Variants in KAT6A observed in about 807,000 individuals in gnomAD.
KAT6A encodes histone acetyltransferase KAT6A.
In KAT6A, 9 loss-of-function variants were observed where a neutral mutation model predicts 198.4. The ratio of observed to expected loss-of-function variants is 0.05; its 90% CI spans 0.03 to 0.08. The LOEUF (loss-of-function observed/expected upper bound fraction) is 0.08, where lower values mean the gene tolerates loss of function less well. Among genes scored for constraint, KAT6A ranks in the 10% least tolerant of loss-of-function variants. The probability of loss-of-function intolerance (pLI) is 1.00; values close to 1 mark genes in which losing one functional copy is unlikely to be tolerated. For missense variants in KAT6A, 2,077 were observed against 2,509.9 expected, an observed-to-expected ratio of 0.83 and a Z score of 3.69; for synonymous variants, 890 against 883.0, an observed-to-expected ratio of 1.01 and a Z score of -0.14.
chr8:42,016,966 T>C (rs1826302283), intron 2 of KAT6A, among the ~76,000 whole-genome samples: 1 of 152,164 alleles, frequency 6.6e-6, no homozygotes, highest in African/African-American at 2.4e-5. Flanking sequence ...ATCTCTTCAA[T>C]AGTTTAAGCC....
intron 8 of KAT6A, among the ~76,000 whole-genome samples, chr8:41,970,939 G>A (rs1322587415): frequency 6.6e-6 from 1 of 152,082 alleles, no homozygotes; most frequent in Non-Finnish European, 1.5e-5. Context: ...GGATGAAGCT[G>A]GAAATCATCA....
chr8:41,968,572 C>T (rs951367198), intron 8 of KAT6A, among the ~76,000 whole-genome samples: 1 of 152,284 alleles, frequency 6.6e-6, no homozygotes, highest in South Asian at 2.1e-4. Context: ...TGTGGCGATT[C>T]CTCAGGGATC....
chr8:42,020,053 C>G (rs905640048), intron 2 of KAT6A, among the ~76,000 whole-genome samples: 2 of 152,084 alleles, frequency 1.3e-5, no homozygotes, highest in African/African-American at 4.8e-5. Context: ...AATGTAATTA[C>G]CTTCTTTTTT....
chr8:41,934,348 T>C lies in KAT6A; in HGVS notation c.3872A>G (p.Gln1291Arg), dbSNP rs1263718696. ...EEQRQSEEEQ[Q>R]ELEEPEPEEE... ...CTCTGGCTCTGGCTCCTCTAATTCC[T>C]GCTGCTCCTCCTCTGACTGCCTCTG... The change falls in exon 17 of 17, where the codon CAG (glutamine) becomes CGG (arginine). Residue 1291 changes from glutamine to arginine, a missense_variant. By Grantham distance (43) the Gln-to-Arg change is conservative. Transcript: ENST00000265713. 2 of 1,613,926 alleles carry C rather than the reference T, an allele frequency of 1.2e-6. No homozygotes were observed. The highest frequency in any genetic ancestry group is 1.3e-5 in the African/African-American group (1 of 74,888).
chr8:41,968,522 T>G (rs1017398673), intron 8 of KAT6A, among the ~76,000 whole-genome samples: 1 of 152,190 alleles, frequency 6.6e-6, no homozygotes, highest in Admixed American at 6.5e-5. Flanking sequence ...TTTACACTGT[T>G]GGTGGGACTG....
intron 5 of KAT6A, 102 bp from the exon 6 acceptor site, chr8:41,978,879 A>G: frequency 7.4e-6 from 8 of 1,078,962 alleles, no homozygotes; most frequent in Non-Finnish European, 1.1e-5. Context: ...CAGGTAAAAG[A>G]CTGTCATTAG....
At chr8:41,989,971 T>C (rs1824846372) in intron 2 of KAT6A, among the ~76,000 whole-genome samples, 1 of 151,696 alleles carries the variant, frequency 6.6e-6, no homozygotes, top group African/African-American at 2.4e-5. Context: ...GACTACCACA[T>C]CCTTTCCTCA....
chr8:41,960,148 T>G (rs1587744543), intron 8 of KAT6A, among the ~76,000 whole-genome samples: 1 of 132,474 alleles, frequency 7.5e-6, no homozygotes. Context: ...GGGGTGGGGG[T>G]AGGGGTGGGG....
intron 2 of KAT6A, among the ~76,000 whole-genome samples, chr8:42,047,391 T>A (rs1231091115): frequency 2.0e-5 from 3 of 152,184 alleles, no homozygotes; most frequent in Non-Finnish European, 1.5e-5. Flanking sequence ...CATCTGGGCA[T>A]CAAAACTCCC....
In KAT6A at chr8:41,930,893, G is replaced by A. The variant is rs1821509763; in HGVS notation, c.*1312C>T. On this transcript the variant is annotated 3_prime_UTR_variant, in exon 17 of 17. Transcript: ENST00000265713. ...GATCTGCCCTACTGTGCTGGTGGTC[G>A]GTCTGTCCCTCTTCTCATTAGCCAC... 3 of 214,828 alleles carry A rather than the reference G, an allele frequency of 1.4e-5. No individual in the cohort carries two copies. Among genetic ancestry groups the A allele is most frequent in the Non-Finnish European group, 2.8e-5 (3 of 106,430 alleles). 13.3% of individuals were successfully genotyped at this position (214,828 alleles called of 1,614,324 possible).
Position 41,929,757 on chromosome 8 carries a change from T to TA in KAT6A, c.*2447dup, listed in dbSNP as rs1266649819. ...TGGCTTCCTTTGTACATGCGGCTTT[T>TA]AGAGGCATCTGGAGCTCTATTCACA... is the stretch of plus-strand genomic sequence containing the variant. On this transcript the variant is annotated 3_prime_UTR_variant, in exon 17 of 17. Coordinates refer to ENST00000265713, the MANE Select transcript of KAT6A (RefSeq NM_006766.5). The TA allele has an allele frequency of 1.0e-5, 2 of 192,828 alleles. No homozygotes were observed. The highest frequency in any genetic ancestry group is 4.6e-5 in the African/African-American group (2 of 43,072). The allele number at this position is 192,828 out of a possible 1,614,324, so 11.9% of individuals were successfully genotyped here.
At chr8:41,995,794 G>A (rs1416153339) in intron 2 of KAT6A, among the ~76,000 whole-genome samples, 4 of 150,478 alleles carry the variant, frequency 2.7e-5, no homozygotes, top group Middle Eastern at 3.5e-3. Flanking sequence ...TCTTGCCTCA[G>A]CCTCTCGAGT....
chr8:41,999,304 T>C (rs1430953236), intron 2 of KAT6A, among the ~76,000 whole-genome samples: 2 of 152,350 alleles, frequency 1.3e-5, no homozygotes, highest in Non-Finnish European at 2.9e-5. Context: ...CCACTTTCTA[T>C]TTGTCAGTGA....
intron 2 of KAT6A, among the ~76,000 whole-genome samples, chr8:42,015,875 TCATG>T (rs575162002): frequency 1.5e-3 from 227 of 152,328 alleles, no homozygotes; most frequent in Non-Finnish European, 2.4e-3. Context: ...CAAAGTTTGC[TCATG>T]CATATAGACA....
chr8:42,029,371 C>A (rs1465207917), intron 2 of KAT6A, among the ~76,000 whole-genome samples: 1 of 152,032 alleles, frequency 6.6e-6, no homozygotes, highest in Non-Finnish European at 1.5e-5. Context: ...AATTCTATGC[C>A]TTTGCCCCTC....
intron 2 of KAT6A, among the ~76,000 whole-genome samples, chr8:42,037,837 A>C (rs540891994): frequency 6.6e-6 from 1 of 152,238 alleles, no homozygotes; most frequent in Non-Finnish European, 1.5e-5. Context: ...ATCCTAATGT[A>C]CTTGCTAAGT....
Position 41,933,506 on chromosome 8 carries a change from T to G in KAT6A, c.4714A>C (p.Thr1572Pro). The G allele has an allele frequency of 6.2e-7, 1 of 1,613,940 alleles. No individual in the cohort carries two copies. The change falls in exon 17 of 17, where the codon ACG becomes CCG. Residue 1572 changes from threonine to proline, a missense_variant. Thr to Pro is a conservative substitution (Grantham distance 38, BLOSUM62 -1). Transcript: ENST00000265713. The surrounding 1 kb of genome is among the most constrained non-coding windows in gnomAD (Gnocchi z 6.2). ...NYENPSSYDS[T>P]MGGSICGNSS... ...TTCCCACAGATGCTGCCGCCCATCGTGGAGTCGTAACTGCTTGGGTTCTCA... is the reference window on the plus strand; with the variant it reads ...TTCCCACAGATGCTGCCGCCCATCGGGGAGTCGTAACTGCTTGGGTTCTCA...
chr8:41,952,491 T>C (rs928544044), intron 9 of KAT6A, among the ~76,000 whole-genome samples: 19 of 152,222 alleles, frequency 1.2e-4, no homozygotes, highest in African/African-American at 4.3e-4. Context: ...TATTGCTTCA[T>C]TGTTTTTGAT....
At chr8:41,986,160 C>T (rs1017609787) in intron 3 of KAT6A, among the ~76,000 whole-genome samples, 2 of 152,170 alleles carry the variant, frequency 1.3e-5, no homozygotes, top group South Asian at 2.1e-4. Context: ...AGGATGGTCT[C>T]GATCTCTTGA....
Sources: allele counts gnomAD v4.1 joint callset (sites outside exome capture counted in the v4.1 genomes callset), GRCh38; gene constraint gnomAD v4.1.1; non-coding constraint Gnocchi (gnomAD v3.1); transcripts MANE v1.5; gene names NCBI Gene and HGNC (gene_info 2026-07-23, HGNC 2026-07-21).